The following NTRK3 variants were observed in gnomAD, a reference collection of about 807,000 sequenced individuals.
NTRK3 encodes NT-3 growth factor receptor.
NTRK3 carries 24 observed loss-of-function variants against 91.7 expected under a neutral mutation model. The observed-to-expected ratio is 0.26, with a 90% CI of 0.19 to 0.37. NTRK3 has a LOEUF of 0.37. Among genes scored for constraint, NTRK3 ranks in the 10% least tolerant of loss-of-function variants. The probability of loss-of-function intolerance (pLI) is 1.00; values close to 1 mark genes in which losing one functional copy is unlikely to be tolerated. For synonymous variants in NTRK3, 483 were observed against 404.0 expected (o/e 1.20, Z -2.34); for missense variants, 880 against 1,068.9 (o/e 0.82, Z 2.46).
intron 3 of NTRK3, among the ~76,000 whole-genome samples, chr15:88,247,588 G>A (rs2052958854): frequency 1.3e-5 from 2 of 152,210 alleles, no homozygotes; most frequent in Non-Finnish European, 2.9e-5. Flanking sequence ...TCATTGCATA[G>A]GTCTGAACAT....
At chr15:87,984,653 ATTTTT>A (rs1347395210) in intron 14 of NTRK3, among the ~76,000 whole-genome samples, 1 of 152,166 alleles carries the variant, frequency 6.6e-6, no homozygotes, top group South Asian at 2.1e-4. Flanking sequence ...CTTTTATTTT[ATTTTT>A]TAACACAAAT....
chr15:88,055,457 T>A (rs747514668), intron 13 of NTRK3, among the ~76,000 whole-genome samples: 5 of 152,200 alleles, frequency 3.3e-5, no homozygotes, highest in Non-Finnish European at 7.3e-5. Flanking sequence ...CCTGGAAATA[T>A]GAAATATATT....
At chr15:87,888,494 G>A (rs2065674617) in intron 17 of NTRK3, among the ~76,000 whole-genome samples, 1 of 152,136 alleles carries the variant, frequency 6.6e-6, no homozygotes, top group African/African-American at 2.4e-5. Flanking sequence ...TCCCAAATCT[G>A]GCCAAGCCAG....
chr15:87,947,402 T>C (rs1241251818), intron 14 of NTRK3, among the ~76,000 whole-genome samples: 1 of 152,214 alleles, frequency 6.6e-6, no homozygotes, highest in Non-Finnish European at 1.5e-5. Flanking sequence ...CTCTGCTTTC[T>C]GCACTGGCAT....
intron 13 of NTRK3, among the ~76,000 whole-genome samples, chr15:88,095,396 T>C (rs576034306): frequency 2.9e-4 from 44 of 152,286 alleles, no homozygotes; most frequent in Non-Finnish European, 5.3e-4. Flanking sequence ...TCCTAGAGTT[T>C]CTGGGGCTGA....
intron 3 of NTRK3, among the ~76,000 whole-genome samples, chr15:88,230,471 G>C (rs1386550692): frequency 6.6e-6 from 1 of 152,132 alleles, no homozygotes; most frequent in African/African-American, 2.4e-5. Context: ...GGTAGATCTT[G>C]GAAAAGTCAT....
chr15:88,138,433 A>G (rs927696416), intron 6 of NTRK3, among the ~76,000 whole-genome samples: 6 of 152,238 alleles, frequency 3.9e-5, no homozygotes, highest in African/African-American at 1.4e-4. Context: ...AAAGAGAGAG[A>G]TATCAGCTCG....
At chr15:88,014,322 G>C (rs998507790) in intron 14 of NTRK3, among the ~76,000 whole-genome samples, 8 of 152,188 alleles carry the variant, frequency 5.3e-5, no homozygotes, top group Non-Finnish European at 1.2e-4. Flanking sequence ...TGAGACAACA[G>C]CCATTGGTCC....
At chr15:87,970,023 GT>G (rs745799032) in intron 14 of NTRK3, among the ~76,000 whole-genome samples, 1 of 152,212 alleles carries the variant, frequency 6.6e-6, no homozygotes, top group Non-Finnish European at 1.5e-5. Flanking sequence ...AGAGACAACA[GT>G]GACTCATGGG....
At chr15:87,883,657 C>T (rs1342861762) in intron 17 of NTRK3, among the ~76,000 whole-genome samples, 2 of 150,642 alleles carry the variant, frequency 1.3e-5, no homozygotes, top group Non-Finnish European at 3.0e-5. Flanking sequence ...CAAAACCAAT[C>T]ACATATTAAA....
At chr15:87,927,099 C>T (rs2068378020) in intron 17 of NTRK3, 1 of 152,226 alleles carries the variant, frequency 6.6e-6, no homozygotes, top group South Asian at 2.1e-4. Context: ...TCTGCCCTGG[C>T]CATCGGTCTA....
At chr15:87,964,632 A>C (rs988725197) in intron 14 of NTRK3, among the ~76,000 whole-genome samples, 2 of 152,150 alleles carry the variant, frequency 1.3e-5, no homozygotes, top group African/African-American at 4.8e-5. Flanking sequence ...CCCTGGGTCC[A>C]TTTATAGTTA....
chr15:88,050,642 T>C (rs2080741179), intron 13 of NTRK3, among the ~76,000 whole-genome samples: 1 of 152,202 alleles, frequency 6.6e-6, no homozygotes, highest in South Asian at 2.1e-4. Flanking sequence ...CTGTGCTTTC[T>C]AATTTAATAG....
intron 17 of NTRK3, among the ~76,000 whole-genome samples, chr15:87,902,645 A>AT (rs1555433084): frequency 1.4e-4 from 22 of 151,822 alleles, no homozygotes; most frequent in Non-Finnish European, 2.9e-4. Flanking sequence ...TAATTCCTAA[A>AT]CCTGGAAAAC....
At chr15:87,914,051 C>T (rs1464338186) in intron 17 of NTRK3, among the ~76,000 whole-genome samples, 1 of 152,142 alleles carries the variant, frequency 6.6e-6, no homozygotes, top group Non-Finnish European at 1.5e-5. Flanking sequence ...GCTGAGAAGC[C>T]AGGAACCCTG....
chr15:88,151,812 T>C (rs1287568068), intron 5 of NTRK3, among the ~76,000 whole-genome samples: 7 of 152,168 alleles, frequency 4.6e-5, no homozygotes, highest in Non-Finnish European at 1.0e-4. Flanking sequence ...AGGTATGTCT[T>C]AGGATTTGCA....
chr15:88,056,787 T>G (rs1027326356), intron 13 of NTRK3, among the ~76,000 whole-genome samples: 4 of 152,212 alleles, frequency 2.6e-5, no homozygotes, highest in African/African-American at 9.6e-5. Context: ...CAACATGTTC[T>G]TCCTGGTTGG....
intron 3 of NTRK3, among the ~76,000 whole-genome samples, chr15:88,221,926 G>A (rs749917762): frequency 6.6e-6 from 1 of 152,188 alleles, no homozygotes. Flanking sequence ...TACAGCTTAC[G>A]CGGCACTGCA....
intron 3 of NTRK3, among the ~76,000 whole-genome samples, chr15:88,232,196 A>T (rs2051261333): frequency 6.6e-6 from 1 of 151,994 alleles, no homozygotes; most frequent in Admixed American, 6.6e-5. Context: ...CTCTCTATCC[A>T]GGTCCTACCT....
Sources: allele counts gnomAD v4.1 joint callset (sites outside exome capture counted in the v4.1 genomes callset), GRCh38; gene constraint gnomAD v4.1.1; transcripts MANE v1.5; gene names NCBI Gene and HGNC (gene_info 2026-07-23, HGNC 2026-07-21).